Variants in LHFPL3 observed in about 807,000 individuals in gnomAD.
The protein encoded by LHFPL3 is LHFPL tetraspan subfamily member 3 protein.
LHFPL3 carries 5 observed loss-of-function variants against 19.3 expected under a neutral mutation model. The observed-to-expected ratio is 0.26, with a 90% CI of 0.14 to 0.54. LHFPL3 has a LOEUF of 0.54. Ranked by LOEUF, LHFPL3 falls within the 20% of genes least tolerant of loss-of-function variation. LHFPL3 has a pLI of 0.94. For synonymous variants in LHFPL3, 133 were observed against 126.2 expected, an observed-to-expected ratio of 1.05 and a Z score of -0.36; for missense variants, 249 against 307.4, an observed-to-expected ratio of 0.81 and a Z score of 1.42.
chr7:104,782,061 C>T (rs1037702341), intron 2 of LHFPL3, among the ~76,000 whole-genome samples: 4 of 152,154 alleles, frequency 2.6e-5, no homozygotes, highest in African/African-American at 9.7e-5. Flanking sequence ...GGCAGGGCTC[C>T]GCAGGGCAAT....
intron 2 of LHFPL3, among the ~76,000 whole-genome samples, chr7:104,900,299 A>C (rs73419716): frequency 0.023 from 3,484 of 152,320 alleles, 141 homozygotes; most frequent in African/African-American, 0.08. Flanking sequence ...GTGTTCCTTA[A>C]GGGGAATGAG....
At chr7:104,393,651 G>T (rs1465456791) in intron 1 of LHFPL3, among the ~76,000 whole-genome samples, 1 of 152,176 alleles carries the variant, frequency 6.6e-6, no homozygotes, top group Non-Finnish European at 1.5e-5. Context: ...GGGAGGCAGA[G>T]GTTGCAGTGA....
intron 1 of LHFPL3, among the ~76,000 whole-genome samples, chr7:104,365,797 A>AAAAAAAG (rs752766165): frequency 3.2e-5 from 4 of 125,968 alleles, no homozygotes; most frequent in African/African-American, 6.1e-5. Flanking sequence ...CAAAAAAAAA[A>AAAAAAAG]AAAAAAAAGA....
intron 2 of LHFPL3, among the ~76,000 whole-genome samples, chr7:104,839,800 C>T (rs1791161721): frequency 6.6e-6 from 1 of 152,170 alleles, no homozygotes; most frequent in Non-Finnish European, 1.5e-5. Context: ...GGCTATATTA[C>T]TCATATTACC....
At chr7:104,581,895 T>C (rs1019340249) in intron 1 of LHFPL3, among the ~76,000 whole-genome samples, 19 of 152,148 alleles carry the variant, frequency 1.2e-4, no homozygotes, top group African/African-American at 4.6e-4. Context: ...AGCTTGATAA[T>C]AGGTATTAAA....
chr7:104,563,003 G>A (rs1182328730), intron 1 of LHFPL3, among the ~76,000 whole-genome samples: 1 of 152,194 alleles, frequency 6.6e-6, no homozygotes, highest in Admixed American at 6.5e-5. Context: ...CGGGGGTCAG[G>A]GGTCAGGGAC....
chr7:104,891,538 T>C (rs990916138), intron 2 of LHFPL3, among the ~76,000 whole-genome samples: 3 of 152,306 alleles, frequency 2.0e-5, no homozygotes, highest in East Asian at 1.9e-4. Flanking sequence ...ACTATTACAA[T>C]GGCAATTAGA....
intron 1 of LHFPL3, among the ~76,000 whole-genome samples, chr7:104,613,960 A>T (rs1296080454): frequency 6.6e-6 from 1 of 152,038 alleles, no homozygotes; most frequent in Admixed American, 6.6e-5. Flanking sequence ...TTAGGCTCCT[A>T]CCCTCCCACA....
At chr7:104,358,809 T>A (rs1378335763) in intron 1 of LHFPL3, among the ~76,000 whole-genome samples, 1 of 152,244 alleles carries the variant, frequency 6.6e-6, no homozygotes, top group African/African-American at 2.4e-5. Flanking sequence ...TTCTTCTCGA[T>A]AAATTCTTTT....
chr7:104,578,843 G>A (rs1790398707), intron 1 of LHFPL3, among the ~76,000 whole-genome samples: 1 of 152,220 alleles, frequency 6.6e-6, no homozygotes, highest in South Asian at 2.1e-4. Context: ...CAACTCACTT[G>A]TATCGAGAGT....
At chr7:104,454,628 G>A (rs143941191) in intron 1 of LHFPL3, among the ~76,000 whole-genome samples, 362 of 152,274 alleles carry the variant, frequency 2.4e-3, no homozygotes, top group Middle Eastern at 0.01. Flanking sequence ...GTCTTCACCT[G>A]TAAAATGGGG....
chr7:104,609,287 A>T (rs528966713), intron 1 of LHFPL3, among the ~76,000 whole-genome samples: 2 of 152,148 alleles, frequency 1.3e-5, no homozygotes, highest in South Asian at 2.1e-4. Flanking sequence ...AGAAAAAAAA[A>T]GTTAGCCACA....
Position 104,798,803 on chromosome 7 carries a change from ATCT to A in LHFPL3, c.682+61897_682+61899del, listed in dbSNP as rs1247450035. Among the ~76,000 whole-genome samples the A allele has an allele frequency of 3.3e-5, 5 of 152,302 alleles. No individual in the cohort carries two copies. In the East Asian group the frequency reaches 9.6e-4, roughly 29 times the overall value. The stretch of plus-strand genomic sequence containing the variant: ...ATACCTCTTCCATATATTCATCTAC[ATCT>A]TCTTTAAAGAACATTTTTAAAACTA... On this transcript the variant is annotated intron_variant, in intron 2 of 2. Coordinates refer to ENST00000424859, the MANE Select transcript of LHFPL3 (RefSeq NM_199000.3).
intron 1 of LHFPL3, among the ~76,000 whole-genome samples, chr7:104,481,351 T>C (rs761455078): frequency 1.8e-4 from 27 of 152,178 alleles, no homozygotes; most frequent in African/African-American, 2.9e-4. Context: ...TCCCATGTCT[T>C]TTCACTGATC....
rs149824471 is a variant in LHFPL3, at chr7:104,446,794, T to C, written c.445+117570T>C. 1.2e-3 allele frequency among the ~76,000 whole-genome samples: 182 copies of C among 152,252 alleles called. 1 individual carries two copies. The highest frequency in any genetic ancestry group is 4.2e-3 in the African/African-American group (175 of 41,552). ...GGTTTCACTGTGTTAGCCAGGATGG[T>C]CTTGATCCTCCCAAAGTGCTGTGAT... On this transcript the variant is annotated intron_variant, in intron 1 of 2. Coordinates refer to ENST00000424859, the MANE Select transcript of LHFPL3 (RefSeq NM_199000.3).
intron 2 of LHFPL3, among the ~76,000 whole-genome samples, chr7:104,797,691 A>G (rs576498555): frequency 2.0e-5 from 3 of 151,806 alleles, no homozygotes; most frequent in Non-Finnish European, 4.4e-5. Context: ...AGGCAGGTGG[A>G]TCACTTGAGC....
intron 2 of LHFPL3, among the ~76,000 whole-genome samples, chr7:104,802,132 A>G (rs912055483): frequency 1.3e-5 from 2 of 152,074 alleles, no homozygotes; most frequent in Admixed American, 6.5e-5. Context: ...TTAATCCCCA[A>G]TGTGATAGAA....
intron 1 of LHFPL3, among the ~76,000 whole-genome samples, chr7:104,371,440 G>T (rs1035012347): frequency 6.6e-6 from 1 of 152,116 alleles, no homozygotes; most frequent in African/African-American, 2.4e-5. Context: ...GCTAATTCAC[G>T]TGCAATCCCA....
rs114226963 is a variant in LHFPL3, at chr7:104,793,256, A to G, written c.682+56345A>G. ...TGCGCAACTGGGTGGTTAATAAAGC[A>G]TGTACATTTACATCACCTCCTGGAC... On this transcript the variant is annotated intron_variant, in intron 2 of 2. Transcript: ENST00000424859. 7.6e-3 allele frequency among the ~76,000 whole-genome samples: 1,152 copies of G among 151,958 alleles called. 14 individuals carry two copies. Among genetic ancestry groups the G allele is most frequent in the African/African-American group, 0.026 (1,092 of 41,548 alleles).
Sources: allele counts gnomAD v4.1 joint callset (sites outside exome capture counted in the v4.1 genomes callset), GRCh38; gene constraint gnomAD v4.1.1; transcripts MANE v1.5; gene names NCBI Gene and HGNC (gene_info 2026-07-23, HGNC 2026-07-21).